DOCK2: variants seen among roughly 807,000 people sequenced by gnomAD.
DOCK2 encodes the protein dedicator of cytokinesis protein 2.
DOCK2 carries 87 observed loss-of-function variants against 248.9 expected under a neutral mutation model. The ratio of observed to expected loss-of-function variants is 0.35; its 90% CI spans 0.29 to 0.42. DOCK2 has a LOEUF of 0.42. Ranked by LOEUF, DOCK2 falls within the 10% of genes least tolerant of loss-of-function variation. The pLI, the probability that DOCK2 is intolerant of heterozygous loss-of-function variation, is 1.00. For synonymous variants in DOCK2, 805 were observed against 821.6 expected, an observed-to-expected ratio of 0.98 and a Z score of 0.35; for missense variants, 1,747 against 2,300.2, an observed-to-expected ratio of 0.76 and a Z score of 4.92.
intron 40 of DOCK2, among the ~76,000 whole-genome samples, chr5:170,048,874 T>TA (rs1376154795): frequency 1.3e-5 from 2 of 152,134 alleles, no homozygotes; most frequent in East Asian, 3.8e-4. Flanking sequence ...GTGAGGGAAA[T>TA]ACAAAAGAAA....
chr5:169,829,812 C>T (rs952493060), intron 26 of DOCK2, among the ~76,000 whole-genome samples: 2 of 151,980 alleles, frequency 1.3e-5, no homozygotes, highest in African/African-American at 2.4e-5. Context: ...TGAAATGGGG[C>T]CTTCAAAAGT....
At chr5:169,829,552 C>T (rs931557968) in intron 26 of DOCK2, among the ~76,000 whole-genome samples, 1 of 152,222 alleles carries the variant, frequency 6.6e-6, no homozygotes, top group African/African-American at 2.4e-5. Flanking sequence ...GTTCAATTTT[C>T]ACTTAAGCTT....
intron 27 of DOCK2, among the ~76,000 whole-genome samples, chr5:169,934,410 G>A (rs574383339): frequency 6.6e-5 from 10 of 152,250 alleles, no homozygotes; most frequent in Admixed American, 1.3e-4. Context: ...CCGCATGCCC[G>A]TGAATCACAA....
At position 170,083,101 on chromosome 5, in the gene DOCK2, C is replaced by G; in HGVS notation, c.*243C>G. 1.9e-6 allele frequency: 1 copy of G among 517,700 alleles called. No homozygotes were observed. The highest frequency in any genetic ancestry group is 3.4e-6 in the Non-Finnish European group (1 of 290,136). 32.1% of individuals were successfully genotyped at this position (517,700 alleles called of 1,614,324 possible). A position where few individuals can be genotyped will look rare whatever the true frequency, so the allele number is the denominator to read the frequency against. On this transcript the variant is annotated 3_prime_UTR_variant, in exon 52 of 52. Coordinates refer to ENST00000520908, the MANE Select transcript of DOCK2 (RefSeq NM_004946.3). ...ACGTAGATTCCTGAACTCAAGGTAC[C>G]AGCAAGAATGCCTTCTCCCAGTGTG...
rs1776790191 is a variant in DOCK2 at position 169,954,573 on chromosome 5, G to A, written c.2800-28495G>A. Among the ~76,000 whole-genome samples the A allele has an allele frequency of 4.6e-5, 7 of 152,328 alleles. No individual in the cohort carries two copies. The South Asian group carries it at 1.2e-3, about 27-fold the overall frequency. On this transcript the variant is annotated intron_variant, in intron 27 of 51. Transcript: ENST00000520908. ...GCCTGGGTGCAGAAGGGACCCATAA[G>A]CTTATCCATCCCTGTTCTTCTATTT...
intron 26 of DOCK2, among the ~76,000 whole-genome samples, chr5:169,820,370 C>A (rs557031982): frequency 1.4e-4 from 22 of 152,324 alleles, no homozygotes; most frequent in Middle Eastern, 3.4e-3. Context: ...AGGCACCCCC[C>A]AGTAGGGGCA....
At chr5:169,739,383 G>T (rs537379782) in intron 22 of DOCK2, among the ~76,000 whole-genome samples, 1 of 152,262 alleles carries the variant, frequency 6.6e-6, no homozygotes, top group East Asian at 1.9e-4. Context: ...TCCCACATGA[G>T]AATGAGAAAT....
Position 170,081,953 on chromosome 5 carries a change from G to A in DOCK2, c.5399G>A (p.Arg1800Gln), listed in dbSNP as rs1336949501. ...GATGGTGACAAGAAGACACTCACAC[G>A]GAAGAAGGTCAATCAGTTCTTCAAG... ...LSDGDKKTLT[R>Q]KKVNQFFKTM... Residue 1800 changes from arginine to glutamine, a missense_variant, in exon 51 of 52, where the codon CGG becomes CAG. This residue lies in a region of DOCK2 where 513 missense variants were observed against 586.1 expected (regional missense o/e 0.88). Transcript: ENST00000520908. The A allele has an allele frequency of 9.9e-6, 16 of 1,613,984 alleles. No individual in the cohort carries two copies. Among genetic ancestry groups the A allele is most frequent in the African/African-American group, 1.3e-5 (1 of 74,892 alleles).
chr5:169,765,764 C>T (rs560051868), intron 25 of DOCK2, among the ~76,000 whole-genome samples: 6 of 151,842 alleles, frequency 4.0e-5, no homozygotes, highest in Non-Finnish European at 7.4e-5. Flanking sequence ...GATTTGGAAG[C>T]TCTTTCAATG....
intron 1 of DOCK2, among the ~76,000 whole-genome samples, chr5:169,640,619 A>T (rs1327682434): frequency 1.3e-5 from 2 of 152,256 alleles, no homozygotes; most frequent in Non-Finnish European, 2.9e-5. Flanking sequence ...TTAGGCCTCC[A>T]AGGGCAGCAA....
chr5:169,835,374 C>G (rs1326260502), intron 26 of DOCK2, among the ~76,000 whole-genome samples: 2 of 151,496 alleles, frequency 1.3e-5, no homozygotes, highest in Non-Finnish European at 2.9e-5. Context: ...CCTGCCTCAG[C>G]CTTCCAAGTA....
intron 26 of DOCK2, among the ~76,000 whole-genome samples, chr5:169,809,448 C>G (rs1427297429): frequency 4.6e-5 from 7 of 152,188 alleles, no homozygotes; most frequent in African/African-American, 1.7e-4. Context: ...ATAACACTTC[C>G]TTTCTGAGAT....
At chr5:169,775,977 A>G (rs1046911061) in intron 25 of DOCK2, among the ~76,000 whole-genome samples, 3 of 151,822 alleles carry the variant, frequency 2.0e-5, no homozygotes, top group Non-Finnish European at 2.9e-5. Flanking sequence ...CAGAGATGGG[A>G]AAAATGGCAT....
At chr5:169,656,564 C>T (rs564776477) in intron 2 of DOCK2, among the ~76,000 whole-genome samples, 12 of 152,230 alleles carry the variant, frequency 7.9e-5, no homozygotes, top group South Asian at 4.1e-4. Flanking sequence ...TCGTGCACCT[C>T]GGCCTCCCAA....
chr5:169,870,056 T>C (rs1296969736), intron 27 of DOCK2, among the ~76,000 whole-genome samples: 1 of 152,202 alleles, frequency 6.6e-6, no homozygotes, highest in Non-Finnish European at 1.5e-5. Context: ...ATTCATGGTA[T>C]GTGAGTTGGT....
At chr5:170,082,183 T>A (rs990704022) in intron 51 of DOCK2, among the ~76,000 whole-genome samples, 199 bp downstream of exon 51, 4 of 152,104 alleles carry the variant, frequency 2.6e-5, no homozygotes, top group African/African-American at 9.7e-5. Context: ...AGGCAGCTCC[T>A]CTGACCAGGA....
At chr5:169,756,652 A>G (rs146166241) in intron 23 of DOCK2, among the ~76,000 whole-genome samples, 4 of 152,298 alleles carry the variant, frequency 2.6e-5, no homozygotes, top group African/African-American at 7.2e-5. Flanking sequence ...CAGGCCAGGC[A>G]TGGTGGCTCA....
chr5:169,711,801 T>G, intron 15 of DOCK2, 134 bp from the exon 16 acceptor site: 1 of 825,272 alleles, frequency 1.2e-6, no homozygotes, highest in Admixed American at 2.2e-5. Context: ...TTCATCAGCC[T>G]CAATGGATGG....
chr5:170,056,055 C>G (rs550191973), intron 42 of DOCK2, among the ~76,000 whole-genome samples: 1 of 152,174 alleles, frequency 6.6e-6, no homozygotes, highest in Non-Finnish European at 1.5e-5. Flanking sequence ...CTGGATGGGA[C>G]AGTCAGAAAC....
Sources: allele counts gnomAD v4.1 joint callset (sites outside exome capture counted in the v4.1 genomes callset), GRCh38; gene constraint gnomAD v4.1.1; regional missense constraint gnomAD v4.1.1; transcripts MANE v1.5; gene names NCBI Gene and HGNC (gene_info 2026-07-23, HGNC 2026-07-21).